AACS: variants seen among roughly 807,000 people sequenced by gnomAD.
The protein encoded by AACS is acetoacetate-CoA ligase.
Under a neutral mutation model 83.1 loss-of-function variants are expected in AACS, and 69 were observed. That is an observed-to-expected ratio of 0.83 (90% CI 0.68 to 1.01). The LOEUF (loss-of-function observed/expected upper bound fraction) is 1.01, where lower values mean the gene tolerates loss of function less well. AACS is among the 50% of genes least tolerant of loss of function. The pLI is 0.00. For missense variants in AACS, 866 were observed against 882.2 expected, an observed-to-expected ratio of 0.98 and a Z score of 0.23; for synonymous variants, 333 against 343.4, an observed-to-expected ratio of 0.97 and a Z score of 0.33.
At chr12:125,136,640 G>T in intron 16 of AACS, 22 bp from the exon 17 acceptor site, 1 of 1,609,488 alleles carries the variant, frequency 6.2e-7, no homozygotes, top group South Asian at 1.1e-5. Flanking sequence ...GCGTGAATGT[G>T]CACCCTCTCC....
rs77320648 is a variant in AACS at position 125,136,673 on chromosome 12, G to A, written c.1690G>A (p.Glu564Lys). ...SEIYNIVESF[E>K]EVEDSLCVPQ... ...TCCTGTCTCCACAGTGGAATCCTTC[G>A]AGGAGGTGGAGGACAGCCTGTGTGT... The change falls in exon 17 of 18, where the codon GAG (glutamate) becomes AAG (lysine). Residue 564 changes from glutamate to lysine, a missense_variant. Coordinates refer to ENST00000316519, the MANE Select transcript of AACS (RefSeq NM_023928.5). 6.2e-4 allele frequency: 995 copies of A among 1,613,722 alleles called. 12 individuals carry two copies. In the Middle Eastern group the frequency reaches 9.7e-3, roughly 16 times the overall value.
chr12:125,065,768 C>T (rs1446383953), intron 1 of AACS, 51 bp downstream of exon 1: 3 of 1,468,884 alleles, frequency 2.0e-6, no homozygotes, highest in Admixed American at 2.7e-5. Context: ...GGGAGCCGTG[C>T]AGGGTGGTTG....
At chr12:125,093,006 G>C (rs1216522759) in intron 5 of AACS, among the ~76,000 whole-genome samples, 1 of 152,212 alleles carries the variant, frequency 6.6e-6, no homozygotes, top group African/African-American at 2.4e-5. Flanking sequence ...AAGTGCCCTG[G>C]TGTCCCCAGA....
chr12:125,069,557 G>A (rs1316163488), intron 1 of AACS, among the ~76,000 whole-genome samples: 3 of 152,200 alleles, frequency 2.0e-5, no homozygotes, highest in Non-Finnish European at 4.4e-5. Context: ...AGACTTCCTT[G>A]GGGTCGGCTG....
chr12:125,119,309 C>T (rs901797401), intron 10 of AACS, among the ~76,000 whole-genome samples: 1 of 152,158 alleles, frequency 6.6e-6, no homozygotes, highest in African/African-American at 2.4e-5. Flanking sequence ...CATCTTATTT[C>T]TCTAGTTGTG....
Position 125,118,692 on chromosome 12 carries a change from G to T in AACS, c.1048G>T (p.Ala350Ser). The change falls in exon 10 of 18, where the codon GCC becomes TCC. Residue 350 changes from alanine to serine, a missense_variant. Transcript: ENST00000316519. ...GGTGTCCCTTCTGGCCACAGGAGCGGCCATGGTCTTGTACGATGGCTCCCC... is the reference window on the plus strand; with the variant it reads ...GGTGTCCCTTCTGGCCACAGGAGCGTCCATGGTCTTGTACGATGGCTCCCC... ...WMVSLLATGA[A>S]MVLYDGSPLV... 6.2e-7 allele frequency: 1 copy of T among 1,614,144 alleles called. No homozygotes were observed. Among genetic ancestry groups the T allele is most frequent in the Non-Finnish European group, 8.5e-7 (1 of 1,180,014 alleles).
chr12:125,075,744 C>A (rs1956006820), intron 2 of AACS, among the ~76,000 whole-genome samples: 1 of 152,046 alleles, frequency 6.6e-6, no homozygotes, highest in African/African-American at 2.4e-5. Flanking sequence ...CAGGCGCACG[C>A]TGGCATGCCT....
intron 15 of AACS, 114 bp from the exon 16 acceptor site, chr12:125,134,680 C>A: frequency 8.7e-7 from 1 of 1,143,750 alleles, no homozygotes; most frequent in Non-Finnish European, 1.3e-6. Flanking sequence ...GTGTCCGTGA[C>A]TAGTCCTGGG....
intron 9 of AACS, among the ~76,000 whole-genome samples, chr12:125,116,048 G>T (rs1328616842): frequency 6.6e-6 from 1 of 151,356 alleles, no homozygotes; most frequent in Non-Finnish European, 1.5e-5. Context: ...AATGATTCAG[G>T]TTTTTTTTTC....
Position 125,081,776 on chromosome 12 carries a change from G to T in AACS, c.359-4554G>T, listed in dbSNP as rs186113801. ...TTTCACATGATGGAAAGTTTTCTGG[G>T]CTGGGAATGTGGGAGAGGTAATAAA... On this transcript the variant is annotated intron_variant, in intron 3 of 17. Coordinates refer to ENST00000316519, the MANE Select transcript of AACS (RefSeq NM_023928.5). Among the ~76,000 whole-genome samples the T allele has an allele frequency of 6.2e-3, 944 of 152,172 alleles. 13 individuals carry two copies. The highest frequency in any genetic ancestry group is 6.6e-3 in the Non-Finnish European group (451 of 68,020).
chr12:125,077,035 G>A (rs1394660151), intron 3 of AACS, among the ~76,000 whole-genome samples: 2 of 150,968 alleles, frequency 1.3e-5, no homozygotes, highest in Admixed American at 1.3e-4. Flanking sequence ...AGCTTCCTGA[G>A]TAGCTGGGAC....
At chr12:125,080,587 AC>A (rs1382742193) in intron 3 of AACS, among the ~76,000 whole-genome samples, 2 of 151,110 alleles carry the variant, frequency 1.3e-5, no homozygotes, top group African/African-American at 4.9e-5. Flanking sequence ...TCTGTTTCAC[AC>A]CCCCTACCCC....
chr12:125,109,445 G>A (rs1956903532), intron 8 of AACS, among the ~76,000 whole-genome samples: 1 of 152,148 alleles, frequency 6.6e-6, no homozygotes, highest in Non-Finnish European at 1.5e-5. Context: ...CGTCCTAAAA[G>A]CCTCTTTCGC....
intron 7 of AACS, among the ~76,000 whole-genome samples, chr12:125,103,822 A>C (rs12320329): frequency 0.03 from 4,524 of 151,546 alleles, 231 homozygotes; most frequent in African/African-American, 0.1. Context: ...CCCTGTCTCT[A>C]CTAGAAATAC....
chr12:125,065,435 A>T lies in AACS; in HGVS notation c.-150A>T. 1.3e-6 allele frequency: 1 copy of T among 761,122 alleles called. No homozygotes were observed. The highest frequency in any genetic ancestry group is 1.8e-6 in the Non-Finnish European group (1 of 541,336). 47.1% of individuals were successfully genotyped at this position (761,122 alleles called of 1,614,324 possible). A position where few individuals can be genotyped will look rare whatever the true frequency, so the allele number is the denominator to read the frequency against. ...CCGCAGGAGGCGGCGGCGGCCGTTC[A>T]GTCCCTTGTTCCCCGCCGCCGCCGT... is the stretch of plus-strand genomic sequence containing the variant. On this transcript the variant is annotated 5_prime_UTR_variant, in exon 1 of 18. Coordinates refer to ENST00000316519, the MANE Select transcript of AACS (RefSeq NM_023928.5).
At chr12:125,069,608 T>C (rs1449213577) in intron 1 of AACS, among the ~76,000 whole-genome samples, 2 of 152,242 alleles carry the variant, frequency 1.3e-5, no homozygotes, top group Non-Finnish European at 2.9e-5. Flanking sequence ...TCCAGGCCTC[T>C]AGCAAGCTCT....
intron 3 of AACS, among the ~76,000 whole-genome samples, chr12:125,086,032 C>A (rs1364024297): frequency 6.6e-6 from 1 of 152,180 alleles, no homozygotes. Flanking sequence ...CTCAAGCAGT[C>A]CTCCCACCTC....
chr12:125,116,270 T>G (rs1300000291), intron 9 of AACS, among the ~76,000 whole-genome samples: 1 of 152,122 alleles, frequency 6.6e-6, no homozygotes, highest in African/African-American at 2.4e-5. Flanking sequence ...GCTGCCTCCC[T>G]GGGACACGGC....
chr12:125,098,448 A>T (rs1592969615), intron 5 of AACS, among the ~76,000 whole-genome samples: 6 of 145,502 alleles, frequency 4.1e-5, no homozygotes, highest in Admixed American at 6.9e-5. Flanking sequence ...TGTTTTTCTC[A>T]TTACCTTTTT....
Sources: gnomAD v4.1 joint callset for allele counts (sites outside exome capture counted in the v4.1 genomes callset) on GRCh38, gnomAD v4.1.1 for gene constraint, MANE v1.5 for transcripts, NCBI Gene and HGNC (gene_info 2026-07-23, HGNC 2026-07-21) for gene names.